SLC37A2: variants seen among roughly 807,000 people sequenced by gnomAD.
SLC37A2 encodes glucose-6-phosphate exchanger SLC37A2.
Under a neutral mutation model 70.7 loss-of-function variants are expected in SLC37A2, and 59 were observed. The ratio of observed to expected loss-of-function variants is 0.83; its 90% CI spans 0.68 to 1.04. SLC37A2 has a LOEUF of 1.04. Among genes scored for constraint, SLC37A2 ranks in the 50% least tolerant of loss-of-function variants. The pLI is 0.00. For synonymous variants in SLC37A2, 257 were observed against 262.1 expected, an observed-to-expected ratio of 0.98 and a Z score of 0.19; for missense variants, 580 against 658.1, an observed-to-expected ratio of 0.88 and a Z score of 1.30.
rs751884571 is a variant in SLC37A2 at position 125,081,422 on chromosome 11, C to T, written c.696C>T (p.His232=). 6 of 1,604,610 alleles carry T rather than the reference C, an allele frequency of 3.7e-6. No homozygotes were observed. The African/African-American group carries it at 6.7e-5, about 18-fold the overall frequency. Residue 232 remains histidine (H), a splice_region_variant and synonymous_variant, in exon 8 of 18, where the codon CAC becomes CAT. Coordinates refer to ENST00000403796, the MANE Select transcript of SLC37A2 (RefSeq NM_001145290.2). ...TTAGAAAGCGATTTTTTTTTCTAGA[C>T]CCAGAAGATGTGGACTGCGCCCCTC... is the stretch of plus-strand genomic sequence containing the variant. ...GVITFLFLIE[H]PEDVDCAPPQ...
intron 1 of SLC37A2, among the ~76,000 whole-genome samples, chr11:125,066,488 A>G (rs1339733135): frequency 1.3e-5 from 2 of 152,222 alleles, no homozygotes; most frequent in African/African-American, 4.8e-5. Context: ...TAAAATAAAA[A>G]CTATCTGTAG....
Position 125,081,436 on chromosome 11 carries a change from A to G in SLC37A2, c.710A>G (p.Asp237Gly). 6.2e-7 allele frequency: 1 copy of G among 1,608,048 alleles called. No individual in the cohort carries two copies. The highest frequency in any genetic ancestry group is 8.5e-7 in the Non-Finnish European group (1 of 1,176,916). ...TTTTTTCTAGACCCAGAAGATGTGG[A>G]CTGCGCCCCTCCTCAGCACCACGTG... ...LFLIEHPEDVDCAPPQHHGEP... is the reference protein window; with the variant it reads ...LFLIEHPEDVGCAPPQHHGEP... The change falls in exon 8 of 18, where the codon GAC (aspartate) becomes GGC (glycine). Residue 237 changes from aspartate to glycine, a missense_variant. Transcript: ENST00000403796.
rs536766206 is a variant in SLC37A2, at chr11:125,079,347, C to G, written c.450+100C>G. ...GGTGGGAGCCTGTGTTCCTGGCTCC[C>G]TGTCCAGTGCTCTCTATTACACTGC... On this transcript the variant is annotated intron_variant, in intron 5 of 17. Transcript: ENST00000403796. 1.8e-4 allele frequency: 268 copies of G among 1,459,438 alleles called. 1 individual carries two copies. The highest frequency in any genetic ancestry group is 1.8e-3 in the East Asian group (79 of 44,130). 90.4% of individuals were successfully genotyped at this position (1,459,438 alleles called of 1,614,324 possible). A position where few individuals can be genotyped will look rare whatever the true frequency, so the allele number is the denominator to read the frequency against.
Position 125,081,842 on chromosome 11 carries a change from A to T in SLC37A2, c.821A>T (p.Lys274Ile). Residue 274 changes from lysine (K) to isoleucine (I), a missense_variant, in exon 9 of 18, where the codon AAA becomes ATA. By Grantham distance (102) the Lys-to-Ile change is moderately radical (BLOSUM62 -3). Coordinates refer to ENST00000403796, the MANE Select transcript of SLC37A2 (RefSeq NM_001145290.2). ...IRESGLETVAKCSKGPCEEPA... is the reference protein window; with the variant it reads ...IRESGLETVAICSKGPCEEPA... ...GAGAGCGGCCTTGAGACTGTGGCCAAATGCTCCAAGGGGCCATGCGAAGAG... is the reference window on the plus strand; with the variant it reads ...GAGAGCGGCCTTGAGACTGTGGCCATATGCTCCAAGGGGCCATGCGAAGAG... The T allele has an allele frequency of 6.2e-7, 1 of 1,614,038 alleles. No homozygotes were observed. The highest frequency in any genetic ancestry group is 8.5e-7 in the Non-Finnish European group (1 of 1,179,944).
rs1302815988 is a variant in SLC37A2, at chr11:125,085,249, C to CT, written c.1248+110_1248+111insT. ...TCCCATCCCGCAGAGGAGAAACCGTCAAAGTCCTTCAGAACGCACCATGGG... is the reference window on the plus strand; with the variant it reads ...TCCCATCCCGCAGAGGAGAAACCGTCTAAAGTCCTTCAGAACGCACCATGGG... On this transcript the variant is annotated intron_variant, in intron 14 of 17. Transcript: ENST00000403796. 4 of 1,323,172 alleles carry CT rather than the reference C, an allele frequency of 3.0e-6. No individual in the cohort carries two copies. The East Asian group carries it at 7.2e-5, about 24-fold the overall frequency. The allele number at this position is 1,323,172 out of a possible 1,614,324, so 82.0% of individuals were successfully genotyped here.
chr11:125,079,441 C>T (rs1281666401), intron 5 of SLC37A2, among the ~76,000 whole-genome samples, 194 bp downstream of exon 5: 3 of 152,158 alleles, frequency 2.0e-5, no homozygotes, highest in Non-Finnish European at 4.4e-5. Flanking sequence ...TTGAGCACAA[C>T]GCTGTGGTCA....
Position 125,075,577 on chromosome 11 carries a change from G to A in SLC37A2, c.60-1180G>A, listed in dbSNP as rs544725087. On this transcript the variant is annotated intron_variant, in intron 1 of 17. Coordinates refer to ENST00000403796, the MANE Select transcript of SLC37A2 (RefSeq NM_001145290.2). ...AAAGCGTTTTAGCAGAGCTGTGGAG[G>A]GGCAGGAGCAACTTCAGTCTCTCAA... Among the ~76,000 whole-genome samples the A allele has an allele frequency of 3.3e-5, 5 of 152,350 alleles. No individual in the cohort carries two copies. In the East Asian group the frequency reaches 9.6e-4, roughly 29 times the overall value.
At position 125,079,713 on chromosome 11, in the gene SLC37A2, C is replaced by T. The variant is rs1439342138; in HGVS notation, c.480C>T (p.Gly160=). ...GTAATGGACTCGTCCAGACCACAGG[C>T]TGGCCCTCTGTGGTGACCTGTGTTG... ...QVCNGLVQTT[G]WPSVVTCVGN... is the part of the protein sequence containing the mutation. Residue 160 remains glycine, a synonymous_variant, in exon 6 of 18, where the codon GGC becomes GGT. Transcript: ENST00000403796. The T allele has an allele frequency of 1.9e-5, 31 of 1,609,066 alleles. No homozygotes were observed. The highest frequency in any genetic ancestry group is 2.6e-5 in the Non-Finnish European group (31 of 1,177,714).
intron 17 of SLC37A2, chr11:125,087,124 G>GA (rs1266152048): frequency 9.8e-5 from 15 of 152,756 alleles, no homozygotes; most frequent in African/African-American, 3.6e-4. Flanking sequence ...GGGAAGGGAA[G>GA]AAGAGCAGCA....
chr11:125,080,886 C>G lies in SLC37A2; in HGVS notation c.694+106C>G, dbSNP rs1029116408. On this transcript the variant is annotated intron_variant, in intron 7 of 17. Coordinates refer to ENST00000403796, the MANE Select transcript of SLC37A2 (RefSeq NM_001145290.2). The surrounding 1 kb of genome is among the most constrained non-coding windows in gnomAD (Gnocchi z 4.3). Reference sequence around the variant, plus strand: ...ATTGCTGGTCACAGAGTGGGAGGACCAGCCGTGTGACTTTGGACAATCTTT... The same window carrying G: ...ATTGCTGGTCACAGAGTGGGAGGACGAGCCGTGTGACTTTGGACAATCTTT... The G allele has an allele frequency of 2.0e-6, 2 of 1,000,916 alleles. No homozygotes were observed. Among genetic ancestry groups the G allele is most frequent in the Admixed American group, 3.5e-5 (1 of 28,750 alleles). The allele number at this position is 1,000,916 out of a possible 1,614,324, so 62.0% of individuals were successfully genotyped here. A position where few individuals can be genotyped will look rare whatever the true frequency, so the allele number is the denominator to read the frequency against.
chr11:125,076,889 G>T, intron 2 of SLC37A2, 51 bp downstream of exon 2: 1 of 1,577,162 alleles, frequency 6.3e-7, no homozygotes. Context: ...TGTCGTAACC[G>T]TCCTTACCCC....
In SLC37A2 at chr11:125,077,249, G is replaced by T. The variant is rs150654601; in HGVS notation, c.161G>T (p.Cys54Phe). The T allele has an allele frequency of 1.2e-4, 192 of 1,601,912 alleles. No homozygotes were observed. Among genetic ancestry groups the T allele is most frequent in the Non-Finnish European group, 1.5e-4 (181 of 1,174,168 alleles). Residue 54 changes from cysteine (C) to phenylalanine (F), a missense_variant, in exon 3 of 18, where the codon TGC (cysteine) becomes TTC (phenylalanine). By Grantham distance (205) the Cys-to-Phe change is radical. Transcript: ENST00000403796. ...SIVKSRLHQN[C>F]SEQIKPINDT... is the part of the protein sequence containing the mutation. ...ATCCAGAGCCGTCTGCACCAGAACT[G>T]CTCGGAGCAGATCAAACCCATCAAT...
In SLC37A2 at chr11:125,081,923, A is replaced by G. The variant is rs563966272; in HGVS notation, c.885+17A>G. The G allele has an allele frequency of 1.6e-5, 26 of 1,592,740 alleles. No homozygotes were observed. In the East Asian group the frequency reaches 5.4e-4, roughly 33 times the overall value. ...CGGATCCCAGTAAGAAGTTTGTGGAATGGAGGAAAGAGAGGGGCTTTCCAG... is the reference window on the plus strand; with the variant it reads ...CGGATCCCAGTAAGAAGTTTGTGGAGTGGAGGAAAGAGAGGGGCTTTCCAG... On this transcript the variant is annotated intron_variant, in intron 9 of 17. Coordinates refer to ENST00000403796, the MANE Select transcript of SLC37A2 (RefSeq NM_001145290.2).
intron 17 of SLC37A2, 76 bp from the exon 18 acceptor site, chr11:125,088,043 T>C: frequency 1.3e-6 from 2 of 1,508,304 alleles, no homozygotes; most frequent in Non-Finnish European, 1.8e-6. Context: ...GGACCCTGCC[T>C]TTCCTCTCCC....
intron 1 of SLC37A2, among the ~76,000 whole-genome samples, chr11:125,075,140 C>T (rs1591629698): frequency 6.6e-6 from 1 of 152,200 alleles, no homozygotes; most frequent in Admixed American, 6.5e-5. Context: ...GCAAAGCTTC[C>T]CGCCTCTCCC....
intron 1 of SLC37A2, among the ~76,000 whole-genome samples, chr11:125,076,446 C>T (rs976910773): frequency 1.3e-5 from 2 of 152,198 alleles, no homozygotes; most frequent in African/African-American, 2.4e-5. Flanking sequence ...GCGCCCTGAC[C>T]TCAGGGAGGT....
At chr11:125,071,589 CT>C (rs1949029528) in intron 1 of SLC37A2, among the ~76,000 whole-genome samples, 1 of 152,216 alleles carries the variant, frequency 6.6e-6, no homozygotes, top group South Asian at 2.1e-4. Context: ...GCTTCTTTCT[CT>C]AGGAAGGCTC....
chr11:125,086,004 G>C lies in SLC37A2; in HGVS notation c.1476G>C (p.Leu492=). ...YKEILAWKVS[L]SRGSGYKEI ...AGATCTTGGCCTGGAAGGTGTCCCT[G>C]AGCAGAGGCAGCGGGTGAGTCCGGG... Residue 492 remains leucine, a synonymous_variant, in exon 17 of 18, where the codon CTG becomes CTC. Transcript: ENST00000403796. 1.2e-6 allele frequency: 2 copies of C among 1,614,168 alleles called. No individual in the cohort carries two copies. The highest frequency in any genetic ancestry group is 1.7e-6 in the Non-Finnish European group (2 of 1,180,024).
intron 1 of SLC37A2, among the ~76,000 whole-genome samples, chr11:125,069,836 C>T (rs1451541351): frequency 6.6e-6 from 1 of 152,262 alleles, no homozygotes; most frequent in African/African-American, 2.4e-5. Flanking sequence ...TGCTCTCCTC[C>T]TCCTGTTAGG....
Sources: gnomAD v4.1 joint callset for allele counts (sites outside exome capture counted in the v4.1 genomes callset) on GRCh38, gnomAD v4.1.1 for gene constraint, Gnocchi (gnomAD v3.1) non-coding constraint, MANE v1.5 for transcripts, NCBI Gene and HGNC (gene_info 2026-07-23, HGNC 2026-07-21) for gene names.